The following OSBPL8 variants were observed in gnomAD, a reference collection of about 807,000 sequenced individuals.
The protein encoded by OSBPL8 is oxysterol-binding protein-related protein 8.
A neutral mutation model predicts 125.5 loss-of-function variants in OSBPL8; 59 were observed. The ratio of observed to expected loss-of-function variants is 0.47; its 90% CI spans 0.38 to 0.58. The LOEUF is 0.58. Among genes scored for constraint, OSBPL8 ranks in the 20% least tolerant of loss-of-function variants. The probability of loss-of-function intolerance (pLI) is 0.00; values close to 1 mark genes in which losing one functional copy is unlikely to be tolerated. For missense variants in OSBPL8, 758 were observed against 1,047.8 expected, an observed-to-expected ratio of 0.72 and a Z score of 3.82; for synonymous variants, 330 against 338.9, an observed-to-expected ratio of 0.97 and a Z score of 0.29.
chr12:76,554,257 G>T (rs1208823278), intron 1 of OSBPL8, among the ~76,000 whole-genome samples: 1 of 152,018 alleles, frequency 6.6e-6, no homozygotes, highest in Non-Finnish European at 1.5e-5. Flanking sequence ...AAAAAATCAA[G>T]GCTATATTCC....
At chr12:76,370,031 T>G (rs1952561767) in intron 19 of OSBPL8, among the ~76,000 whole-genome samples, 1 of 151,988 alleles carries the variant, frequency 6.6e-6, no homozygotes, top group Admixed American at 6.6e-5. Flanking sequence ...TGGAGACTAA[T>G]TTTTTTTACT....
rs554988264 is a variant in OSBPL8, at chr12:76,365,130, A to AT, written c.2328+4083dup. Among the ~76,000 whole-genome samples, 334 of 151,904 alleles carry AT rather than the reference A, an allele frequency of 2.2e-3. 3 individuals are homozygous for AT. The highest frequency in any genetic ancestry group is 7.5e-3 in the African/African-American group (309 of 41,396). On this transcript the variant is annotated intron_variant, in intron 21 of 23. Coordinates refer to ENST00000261183, the MANE Select transcript of OSBPL8 (RefSeq NM_020841.5). ...GCCACCATGCCCAGCTGATTTTTCT[A>AT]TTTTTTGTAGAGACAGAGTTTTGCC... is the stretch of plus-strand genomic sequence containing the variant.
chr12:76,395,976 T>C (rs1178786857), intron 8 of OSBPL8, among the ~76,000 whole-genome samples: 1 of 151,096 alleles, frequency 6.6e-6, no homozygotes, highest in East Asian at 1.9e-4. Flanking sequence ...TGCTTGCAAT[T>C]CCTAAGAGTA....
intron 4 of OSBPL8, among the ~76,000 whole-genome samples, chr12:76,423,525 AT>A (rs1056220238): frequency 1.2e-4 from 19 of 152,158 alleles, no homozygotes; most frequent in South Asian, 2.1e-4. Context: ...CTTAAAAAAA[AT>A]TTTTTTTAAA....
At chr12:76,378,250 A>G (rs1454115500) in intron 16 of OSBPL8, among the ~76,000 whole-genome samples, 1 of 151,218 alleles carries the variant, frequency 6.6e-6, no homozygotes, top group Non-Finnish European at 1.5e-5. Context: ...ACACATCACA[A>G]AGAGTCCATT....
intron 6 of OSBPL8, among the ~76,000 whole-genome samples, chr12:76,400,799 T>TTC (rs1212767924): frequency 6.6e-6 from 1 of 151,498 alleles, no homozygotes; most frequent in African/African-American, 2.4e-5. Context: ...TACCTTTTTT[T>TTC]TTTTTTTTTG....
At chr12:76,474,966 T>C (rs1298260222) in intron 2 of OSBPL8, among the ~76,000 whole-genome samples, 1 of 152,186 alleles carries the variant, frequency 6.6e-6, no homozygotes, top group East Asian at 1.9e-4. Flanking sequence ...CCTACTAAGC[T>C]GAGGTACGGA....
intron 1 of OSBPL8, among the ~76,000 whole-genome samples, chr12:76,496,517 G>C (rs1879289980): frequency 6.6e-6 from 1 of 151,718 alleles, no homozygotes; most frequent in Admixed American, 6.6e-5. Context: ...ACCACAGCAG[G>C]CATGCACCAC....
At chr12:76,525,809 T>G (rs1950156290) in intron 1 of OSBPL8, among the ~76,000 whole-genome samples, 1 of 152,180 alleles carries the variant, frequency 6.6e-6, no homozygotes, top group Non-Finnish European at 1.5e-5. Flanking sequence ...AAGGGAAAAC[T>G]ACAAAGGTAA....
chr12:76,475,910 T>C (rs755627639), intron 2 of OSBPL8, among the ~76,000 whole-genome samples: 7 of 152,220 alleles, frequency 4.6e-5, no homozygotes, highest in Non-Finnish European at 1.0e-4. Context: ...TTTTTGCTTT[T>C]AAACTGTGCG....
intron 1 of OSBPL8, among the ~76,000 whole-genome samples, chr12:76,492,849 G>T (rs1412861964): frequency 1.3e-5 from 2 of 151,880 alleles, no homozygotes; most frequent in African/African-American, 4.8e-5. Context: ...AACCATCACC[G>T]CCCTCCTGGT....
chr12:76,518,147 G>A (rs1592837310), intron 1 of OSBPL8, among the ~76,000 whole-genome samples: 1 of 152,134 alleles, frequency 6.6e-6, no homozygotes, highest in East Asian at 1.9e-4. Context: ...TTCCACCTAT[G>A]AGCCTGTAAA....
At chr12:76,364,883 C>G (rs958818768) in intron 21 of OSBPL8, among the ~76,000 whole-genome samples, 2 of 152,098 alleles carry the variant, frequency 1.3e-5, no homozygotes, top group Non-Finnish European at 2.9e-5. Context: ...TGAAAATCTG[C>G]TTTCCCATTT....
At chr12:76,495,314 G>A (rs1879159913) in intron 1 of OSBPL8, among the ~76,000 whole-genome samples, 1 of 152,134 alleles carries the variant, frequency 6.6e-6, no homozygotes, top group East Asian at 1.9e-4. Flanking sequence ...GAAGAACATG[G>A]TCAGTAAACA....
At chr12:76,424,032 T>C (rs1869836973) in intron 4 of OSBPL8, among the ~76,000 whole-genome samples, 1 of 152,078 alleles carries the variant, frequency 6.6e-6, no homozygotes, top group Non-Finnish European at 1.5e-5. Flanking sequence ...AGATGGAGTC[T>C]CACTGTCGCC....
intron 1 of OSBPL8, among the ~76,000 whole-genome samples, chr12:76,527,007 C>T (rs907251284): frequency 6.6e-6 from 1 of 152,058 alleles, no homozygotes; most frequent in Non-Finnish European, 1.5e-5. Flanking sequence ...AACCACTTTA[C>T]ACCTCTGGAC....
At chr12:76,411,641 TA>T (rs1374452953) in intron 4 of OSBPL8, among the ~76,000 whole-genome samples, 1 of 151,852 alleles carries the variant, frequency 6.6e-6, no homozygotes, top group Non-Finnish European at 1.5e-5. Context: ...TTATATGATA[TA>T]AAAAAAGGGA....
intron 1 of OSBPL8, among the ~76,000 whole-genome samples, chr12:76,545,395 T>C (rs1950756712): frequency 6.6e-6 from 1 of 152,206 alleles, no homozygotes; most frequent in Non-Finnish European, 1.5e-5. Context: ...TTATTAAGTA[T>C]GATATCTGGT....
chr12:76,399,059 C>T lies in OSBPL8; in HGVS notation c.468+814G>A, dbSNP rs1371438680. ...GAGCTAATGCACTTCTAAGTAGAGT[C>T]AAAACAAGTTGGAAGGTGTTATTAG... On this transcript the variant is annotated intron_variant, in intron 7 of 23. Transcript: ENST00000261183. Among the ~76,000 whole-genome samples, 4 of 152,066 alleles carry T rather than the reference C, an allele frequency of 2.6e-5. No homozygotes were observed. In the East Asian group the frequency reaches 7.7e-4, roughly 29 times the overall value.
Sources: gnomAD v4.1 joint callset for allele counts (sites outside exome capture counted in the v4.1 genomes callset) on GRCh38, gnomAD v4.1.1 for gene constraint, MANE v1.5 for transcripts, NCBI Gene and HGNC (gene_info 2026-07-23, HGNC 2026-07-21) for gene names.